Variants in CATSPERD observed in about 807,000 individuals in gnomAD.
CATSPERD encodes the protein cation channel sperm-associated auxiliary subunit delta.
Under a neutral mutation model 98.1 loss-of-function variants are expected in CATSPERD, and 86 were observed. The ratio of observed to expected loss-of-function variants is 0.88; its 90% CI spans 0.74 to 1.05. CATSPERD has a LOEUF of 1.05. Ranked by LOEUF, CATSPERD falls within the 50% of genes least tolerant of loss-of-function variation. CATSPERD has a pLI of 0.00. For missense variants in CATSPERD, 995 were observed against 1,005.7 expected (o/e 0.99, Z 0.14); for synonymous variants, 394 against 390.2 (o/e 1.01, Z -0.12).
chr19:5,747,945 C>G (rs1430623649), intron 9 of CATSPERD, among the ~76,000 whole-genome samples: 2 of 152,120 alleles, frequency 1.3e-5, no homozygotes, highest in African/African-American at 4.8e-5. Flanking sequence ...GAAGCATATT[C>G]CTTGTCATGC....
At chr19:5,742,163 T>C (rs1410437446) in intron 7 of CATSPERD, among the ~76,000 whole-genome samples, 24 of 145,370 alleles carry the variant, frequency 1.7e-4, no homozygotes, top group Non-Finnish European at 3.5e-4. Context: ...TGAACGTGTG[T>C]GTGCGTGTGT....
chr19:5,740,217 G>C (rs2055931244), intron 7 of CATSPERD, among the ~76,000 whole-genome samples: 1 of 151,808 alleles, frequency 6.6e-6, no homozygotes, highest in Admixed American at 6.6e-5. Context: ...GGAGGCAGAG[G>C]TTGCGGTGAG....
intron 17 of CATSPERD, 31 bp downstream of exon 17, chr19:5,766,186 C>T (rs1320639069): frequency 1.3e-6 from 2 of 1,597,152 alleles, no homozygotes; most frequent in Admixed American, 1.7e-5. Flanking sequence ...CACCATGGCT[C>T]ATTCCTGTGA....
At chr19:5,754,273 C>A in intron 13 of CATSPERD, 28 bp downstream of exon 13, 2 of 1,534,904 alleles carry the variant, frequency 1.3e-6, no homozygotes, top group Non-Finnish European at 9.0e-7. Context: ...TTTCTGCTAT[C>A]TGGGATTCTC....
intron 8 of CATSPERD, 34 bp from the exon 9 acceptor site, chr19:5,745,879 T>TG (rs2056082900): frequency 6.2e-7 from 1 of 1,610,994 alleles, no homozygotes; most frequent in African/African-American, 1.3e-5. Flanking sequence ...CAGTAGGGTT[T>TG]GGGGAGAGGC....
In CATSPERD at chr19:5,759,314, T is replaced by A. The variant is rs190201024; in HGVS notation, c.1427+170T>A. Among the ~76,000 whole-genome samples the A allele has an allele frequency of 2.2e-3, 336 of 150,636 alleles. 4 individuals carry two copies. Among genetic ancestry groups the A allele is most frequent in the Non-Finnish European group, 3.8e-3 (257 of 67,480 alleles). ...CGGTGGCTCACGCCTGCAATCCCAG[T>A]ACTTTGGGAGGCAGAGGTGGGTGGA... On this transcript the variant is annotated intron_variant, in intron 15 of 21. Transcript: ENST00000381624.
chr19:5,723,233 A>G (rs909206884), intron 1 of CATSPERD, among the ~76,000 whole-genome samples: 3 of 151,662 alleles, frequency 2.0e-5, no homozygotes, highest in Non-Finnish European at 2.9e-5. Flanking sequence ...ATTTTCAGAA[A>G]TCATTTCTAC....
chr19:5,740,746 C>T (rs937202699), intron 7 of CATSPERD, among the ~76,000 whole-genome samples: 9 of 109,566 alleles, frequency 8.2e-5, no homozygotes, highest in Non-Finnish European at 1.4e-4. Context: ...GCCTGGGCAA[C>T]AGAGAAACTC....
In CATSPERD at chr19:5,770,996, G is replaced by T. The variant is rs142771631; in HGVS notation, c.1687G>T (p.Val563Leu). Residue 563 changes from valine (V) to leucine (L), a missense_variant, in exon 19 of 22, where the codon GTG (valine) becomes TTG (leucine). Coordinates refer to ENST00000381624, the MANE Select transcript of CATSPERD (RefSeq NM_152784.4). ...GCAGCAGTCCTCCGAGGACCTGCAC[G>T]TGTTTTACTCCTACCAGCAGCTGGG... is the stretch of plus-strand genomic sequence containing the variant. ...QGQQSSEDLH[V>L]FYSYQQLGCP... is the part of the protein sequence containing the mutation. 5 of 1,613,986 alleles carry T rather than the reference G, an allele frequency of 3.1e-6. No individual in the cohort carries two copies. The highest frequency in any genetic ancestry group is 4.2e-6 in the Non-Finnish European group (5 of 1,179,962).
chr19:5,726,941 C>T (rs2055616082), intron 2 of CATSPERD, among the ~76,000 whole-genome samples: 1 of 152,130 alleles, frequency 6.6e-6, no homozygotes, highest in Non-Finnish European at 1.5e-5. Context: ...CGCCTGTAAT[C>T]CCAGCACTTT....
intron 5 of CATSPERD, among the ~76,000 whole-genome samples, chr19:5,736,842 G>A (rs907875118): frequency 3.3e-5 from 5 of 151,624 alleles, no homozygotes; most frequent in African/African-American, 1.2e-4. Context: ...TGGATGACAA[G>A]GTCAGGAGAT....
intron 14 of CATSPERD, among the ~76,000 whole-genome samples, chr19:5,758,868 G>A (rs1265182179): frequency 6.8e-6 from 1 of 148,080 alleles, no homozygotes; most frequent in African/African-American, 2.5e-5. Context: ...AGGTTGCAGT[G>A]AGCCAAGATC....
intron 2 of CATSPERD, among the ~76,000 whole-genome samples, chr19:5,725,295 G>A (rs2055583030): frequency 6.6e-6 from 1 of 152,082 alleles, no homozygotes; most frequent in South Asian, 2.1e-4. Context: ...GGGATTATAG[G>A]TGTGTGCCAC....
intron 21 of CATSPERD, among the ~76,000 whole-genome samples, chr19:5,776,749 C>T (rs2056747837): frequency 6.6e-6 from 1 of 152,084 alleles, no homozygotes; most frequent in Non-Finnish European, 1.5e-5. Context: ...TGGCAGGTGC[C>T]TTTAATCTCA....
At chr19:5,763,906 G>A (rs1192509911) in intron 16 of CATSPERD, among the ~76,000 whole-genome samples, 1 of 133,596 alleles carries the variant, frequency 7.5e-6, no homozygotes, top group Non-Finnish European at 1.6e-5. Flanking sequence ...GGAATGCAGT[G>A]GTGCGATCTC....
At chr19:5,750,210 T>A (rs538955504) in intron 11 of CATSPERD, among the ~76,000 whole-genome samples, 98 of 148,130 alleles carry the variant, frequency 6.6e-4, no homozygotes, top group East Asian at 2.4e-3. Context: ...GCACCTTGGG[T>A]GGCCAAGGTG....
chr19:5,762,102 C>T (rs1416266672), intron 15 of CATSPERD, among the ~76,000 whole-genome samples: 6 of 97,474 alleles, frequency 6.2e-5, no homozygotes, highest in Middle Eastern at 8.8e-3. Context: ...TTCACTCTGT[C>T]GCCCAGGCTG....
At position 5,778,517 on chromosome 19, in the gene CATSPERD, G is replaced by T; in HGVS notation, c.2238G>T (p.Leu746=). ...GGCTGGCCTACAAGACCCCCAAGCTGCTACGCACAGCACGCGGCCGCAGGA... is the reference window on the plus strand; with the variant it reads ...GGCTGGCCTACAAGACCCCCAAGCTTCTACGCACAGCACGCGGCCGCAGGA... ...SVWLAYKTPK[L]LRTARGRRIK... The change falls in exon 22 of 22, where the codon CTG becomes CTT. Residue 746 remains leucine, a synonymous_variant. Transcript: ENST00000381624. 3 of 1,614,024 alleles carry T rather than the reference G, an allele frequency of 1.9e-6. No homozygotes were observed. Among genetic ancestry groups the T allele is most frequent in the Non-Finnish European group, 2.5e-6 (3 of 1,180,038 alleles).
At chr19:5,724,125 G>A (rs1009017049) in intron 1 of CATSPERD, among the ~76,000 whole-genome samples, 1 of 150,884 alleles carries the variant, frequency 6.6e-6, no homozygotes, top group African/African-American at 2.4e-5. Flanking sequence ...GAGATTTCAC[G>A]ATGTTGGCCA....
Sources: allele counts gnomAD v4.1 joint callset (sites outside exome capture counted in the v4.1 genomes callset), GRCh38; gene constraint gnomAD v4.1.1; transcripts MANE v1.5; gene names NCBI Gene and HGNC (gene_info 2026-07-23, HGNC 2026-07-21).